The following DDR2 variants were observed in gnomAD, a reference collection of about 807,000 sequenced individuals.
The protein encoded by DDR2 is discoidin domain receptor tyrosine kinase 2, also known as discoidin domain-containing receptor 2.
A neutral mutation model predicts 94.9 loss-of-function variants in DDR2; 27 were observed. That is an observed-to-expected ratio of 0.28 (90% CI 0.21 to 0.39). The LOEUF (loss-of-function observed/expected upper bound fraction) is 0.39. DDR2 is among the 10% of genes least tolerant of loss of function. DDR2 has a pLI of 1.00. For synonymous variants in DDR2, 382 were observed against 377.2 expected, an observed-to-expected ratio of 1.01 and a Z score of -0.15; for missense variants, 783 against 1,076.0, an observed-to-expected ratio of 0.73 and a Z score of 3.81.
chr1:162,769,882 T>C (rs1664180519), intron 11 of DDR2, among the ~76,000 whole-genome samples: 1 of 152,230 alleles, frequency 6.6e-6, no homozygotes, highest in East Asian at 1.9e-4. Flanking sequence ...CATCATGTTA[T>C]AGCACATGCA....
intron 3 of DDR2, among the ~76,000 whole-genome samples, chr1:162,751,169 T>C (rs1663174722): frequency 6.6e-6 from 1 of 151,960 alleles, no homozygotes; most frequent in Admixed American, 6.6e-5. Flanking sequence ...ACTAAAGAGC[T>C]TCTGCACAGC....
rs907501157 is a variant in DDR2, at chr1:162,761,204, C to G, written c.856-7C>G. ...ACCTATCACTCACATGCCTCTTTCTCTACCAGGTCCACTGCAACAACATGT... is the reference window on the plus strand; with the variant it reads ...ACCTATCACTCACATGCCTCTTTCTGTACCAGGTCCACTGCAACAACATGT... On this transcript the variant is annotated splice_region_variant and splice_polypyrimidine_tract_variant and intron_variant, in intron 8 of 17. Transcript: ENST00000367921. The G allele has an allele frequency of 3.1e-6, 5 of 1,614,050 alleles. No individual in the cohort carries two copies. The highest frequency in any genetic ancestry group is 2.2e-5 in the South Asian group (2 of 91,034).
chr1:162,773,670 G>T (rs1245231116), intron 14 of DDR2, 74 bp downstream of exon 14: 13 of 1,599,304 alleles, frequency 8.1e-6, no homozygotes, highest in Non-Finnish European at 1.1e-5. Flanking sequence ...GGATACTTCT[G>T]AGCAATTTTT....
chr1:162,699,525 G>C (rs1386615229), intron 2 of DDR2, among the ~76,000 whole-genome samples: 1 of 152,194 alleles, frequency 6.6e-6, no homozygotes, highest in Non-Finnish European at 1.5e-5. Context: ...GAAGAGTATG[G>C]AGTGTTGTTG....
chr1:162,666,732 G>A (rs775369277), intron 2 of DDR2, among the ~76,000 whole-genome samples: 14 of 151,976 alleles, frequency 9.2e-5, no homozygotes, highest in Non-Finnish European at 1.8e-4. Flanking sequence ...AAATTGTTAA[G>A]TTGTACTAAC....
chr1:162,735,802 T>C (rs988093619), intron 3 of DDR2, among the ~76,000 whole-genome samples: 14 of 152,358 alleles, frequency 9.2e-5, no homozygotes, highest in African/African-American at 3.1e-4. Flanking sequence ...GCAGCAGCAG[T>C]AGCTCTGATA....
chr1:162,689,647 A>G (rs72709739), intron 2 of DDR2, among the ~76,000 whole-genome samples: 7,315 of 151,416 alleles, frequency 0.048, 360 homozygotes, highest in East Asian at 0.15. Flanking sequence ...ATTGTCATTT[A>G]AAAAGAAGGC....
intron 11 of DDR2, among the ~76,000 whole-genome samples, chr1:162,768,121 G>T (rs1418663021): frequency 6.6e-6 from 1 of 152,168 alleles, no homozygotes; most frequent in Non-Finnish European, 1.5e-5. Flanking sequence ...TCATACAACT[G>T]ATGTCCAGTC....
At chr1:162,649,952 G>A (rs1028503129) in intron 1 of DDR2, among the ~76,000 whole-genome samples, 1 of 152,194 alleles carries the variant, frequency 6.6e-6, no homozygotes, top group Admixed American at 6.5e-5. Context: ...AGGAAGTTGG[G>A]TTAGGTCTGG....
intron 16 of DDR2, 61 bp from the exon 17 acceptor site, chr1:162,778,519 T>A (rs1571327848): frequency 6.2e-7 from 1 of 1,605,558 alleles, no homozygotes; most frequent in Non-Finnish European, 8.5e-7. Flanking sequence ...TTATGAAATT[T>A]AACAGGGTGT....
chr1:162,770,556 G>A (rs369769333), intron 12 of DDR2, 44 bp downstream of exon 12: 12 of 1,582,172 alleles, frequency 7.6e-6, no homozygotes, highest in Middle Eastern at 1.7e-4. Context: ...AGAAACCTCA[G>A]CAAGCATCAG....
rs1465782893 is a variant in DDR2 at position 162,750,805 on chromosome 1, C to T, written c.83-2290C>T. ...ACTGGTACCAAAACAGAGATATAGA[C>T]CAATGGAACAGAACACAGCCCTCAG... On this transcript the variant is annotated intron_variant, in intron 3 of 17. Transcript: ENST00000367921. 2.0e-5 allele frequency among the ~76,000 whole-genome samples: 3 copies of T among 152,176 alleles called. No individual in the cohort carries two copies. In the East Asian group the frequency reaches 5.8e-4, roughly 29 times the overall value.
chr1:162,699,990 G>T (rs1436561770), intron 2 of DDR2, among the ~76,000 whole-genome samples: 1 of 152,182 alleles, frequency 6.6e-6, no homozygotes. Context: ...TCCCATGCAT[G>T]CCCTAACTAT....
intron 17 of DDR2, among the ~76,000 whole-genome samples, chr1:162,779,338 T>C (rs1279090797): frequency 6.6e-6 from 1 of 152,106 alleles, no homozygotes; most frequent in Non-Finnish European, 1.5e-5. Context: ...GATTTAAAAT[T>C]CCTGTGAGAT....
rs555950059 is a variant in DDR2 at position 162,715,198 on chromosome 1, T to C, written c.-27-3839T>C. ...CATTAATTCATTCTGCAAATACTTA[T>C]CAGGCACTCTGGTAGTGTTGAGACT... On this transcript the variant is annotated intron_variant, in intron 2 of 17. Transcript: ENST00000367921. Among the ~76,000 whole-genome samples, 3 of 152,298 alleles carry C rather than the reference T, an allele frequency of 2.0e-5. No homozygotes were observed. The East Asian group carries it at 5.8e-4, about 29-fold the overall frequency.
intron 3 of DDR2, among the ~76,000 whole-genome samples, chr1:162,746,323 C>G (rs982874585): frequency 6.6e-6 from 1 of 152,230 alleles, no homozygotes; most frequent in Non-Finnish European, 1.5e-5. Flanking sequence ...GAGATTATAT[C>G]CTGCGCCTGG....
chr1:162,704,427 C>T (rs1660563489), intron 2 of DDR2, among the ~76,000 whole-genome samples: 1 of 152,178 alleles, frequency 6.6e-6, no homozygotes, highest in Non-Finnish European at 1.5e-5. Flanking sequence ...CCTGATTTGA[C>T]ACATACCAAC....
chr1:162,709,543 G>T (rs886978380), intron 2 of DDR2, among the ~76,000 whole-genome samples: 1 of 152,152 alleles, frequency 6.6e-6, no homozygotes, highest in Non-Finnish European at 1.5e-5. Flanking sequence ...GGTTTTTACC[G>T]TATGGTTCTA....
chr1:162,767,739 G>A (rs999030455), intron 11 of DDR2, among the ~76,000 whole-genome samples: 2 of 151,802 alleles, frequency 1.3e-5, no homozygotes, highest in Admixed American at 1.3e-4. Context: ...CTCTCCTAAT[G>A]CCAAGCTGAA....
Sources: gnomAD v4.1 joint callset for allele counts (sites outside exome capture counted in the v4.1 genomes callset) on GRCh38, gnomAD v4.1.1 for gene constraint, MANE v1.5 for transcripts, NCBI Gene and HGNC (gene_info 2026-07-23, HGNC 2026-07-21) for gene names.